The following CEP85L variants were observed in gnomAD, a reference collection of about 807,000 sequenced individuals.
The protein encoded by CEP85L is centrosomal protein 85L.
Under a neutral mutation model 100.3 loss-of-function variants are expected in CEP85L, and 60 were observed. That is an observed-to-expected ratio of 0.60 (90% CI 0.49 to 0.74). The LOEUF (loss-of-function observed/expected upper bound fraction) is 0.74. Ranked by LOEUF, CEP85L falls within the 30% of genes least tolerant of loss-of-function variation. The probability of loss-of-function intolerance (pLI) is 0.00; values close to 1 mark genes in which losing one functional copy is unlikely to be tolerated. For synonymous variants in CEP85L, 319 were observed against 322.7 expected (o/e 0.99, Z 0.12); for missense variants, 973 against 936.2 (o/e 1.04, Z -0.51).
Position 118,463,649 on chromosome 6 carries a change from G to A in CEP85L, c.*1756C>T, listed in dbSNP as rs1772340370. ...GACCCTCCTTAGGTTAAGGACTCTGGGATGCAGGAGCACTACAATGTACTT... is the reference window on the plus strand; with the variant it reads ...GACCCTCCTTAGGTTAAGGACTCTGAGATGCAGGAGCACTACAATGTACTT... On this transcript the variant is annotated 3_prime_UTR_variant, in exon 13 of 13. Transcript: ENST00000368491. The A allele has an allele frequency of 6.6e-6, 1 of 151,950 alleles. No homozygotes were observed. Among genetic ancestry groups the A allele is most frequent in the African/African-American group, 2.4e-5 (1 of 41,396 alleles). The allele number at this position is 151,950 out of a possible 1,614,324, so 9.4% of individuals were successfully genotyped here. A position where few individuals can be genotyped will look rare whatever the true frequency, so the allele number is the denominator to read the frequency against.
chr6:118,479,325 C>T (rs1449215727), intron 10 of CEP85L, among the ~76,000 whole-genome samples: 1 of 151,962 alleles, frequency 6.6e-6, no homozygotes, highest in Admixed American at 6.6e-5. Context: ...AAAAGATGAC[C>T]AATGACTTCC....
At chr6:118,527,254 T>C (rs987328902) in intron 3 of CEP85L, among the ~76,000 whole-genome samples, 2 of 151,992 alleles carry the variant, frequency 1.3e-5, no homozygotes, top group African/African-American at 4.8e-5. Flanking sequence ...ATCTGCCCGA[T>C]TCGGCTTCCC....
intron 2 of CEP85L, among the ~76,000 whole-genome samples, chr6:118,579,328 T>C (rs1012576276): frequency 1.3e-5 from 2 of 151,974 alleles, no homozygotes; most frequent in Admixed American, 1.3e-4. Context: ...TATTTTCCAA[T>C]TTGGTCAAGG....
chr6:118,490,696 ATATC>A (rs1168581323), intron 6 of CEP85L, among the ~76,000 whole-genome samples: 5 of 152,326 alleles, frequency 3.3e-5, no homozygotes, highest in African/African-American at 9.6e-5. Context: ...AAAAATCCAA[ATATC>A]TATCAACAGG....
intron 3 of CEP85L, among the ~76,000 whole-genome samples, chr6:118,547,602 G>C (rs1262371037): frequency 6.6e-6 from 1 of 151,930 alleles, no homozygotes; most frequent in Admixed American, 6.6e-5. Context: ...GTAGCATATT[G>C]CTATTTTGGG....
chr6:118,469,238 C>G lies in CEP85L; in HGVS notation c.2088G>C (p.Arg696Ser), dbSNP rs752231171. 4 of 1,613,924 alleles carry G rather than the reference C, an allele frequency of 2.5e-6. No individual in the cohort carries two copies. In the African/African-American group the frequency reaches 5.3e-5, roughly 22 times the overall value. ...LDQGQEPDQS[R>S]QQTVLSKRPL... ...GCCGTTTGGAAAGAACTGTCTGCTG[C>G]CTAGATTGGTCAGGTTCCTGGCCCT... Residue 696 changes from arginine (R) to serine (S), a missense_variant, in exon 12 of 13, where the codon AGG becomes AGC. By Grantham distance (110) the Arg-to-Ser change is moderately radical. Coordinates refer to ENST00000368491, the MANE Select transcript of CEP85L (RefSeq NM_001042475.3).
At chr6:118,505,409 CAAAAAA>C (rs56893664) in intron 5 of CEP85L, among the ~76,000 whole-genome samples, 56 of 71,824 alleles carry the variant, frequency 7.8e-4, no homozygotes, top group African/African-American at 2.1e-3. Context: ...TCACTGTACT[CAAAAAA>C]AAAAAAAAAA....
At chr6:118,643,233 G>C (rs145663646) in intron 1 of CEP85L, among the ~76,000 whole-genome samples, 48 of 152,262 alleles carry the variant, frequency 3.2e-4, no homozygotes, top group Admixed American at 3.0e-3. Flanking sequence ...CAACTTTTCA[G>C]TACATTATTC....
intron 3 of CEP85L, among the ~76,000 whole-genome samples, chr6:118,558,590 G>T (rs373940496): frequency 6.6e-6 from 1 of 150,472 alleles, no homozygotes; most frequent in Non-Finnish European, 1.5e-5. Flanking sequence ...CAAAAAAGGA[G>T]AGAAAGAGAG....
At chr6:118,524,031 A>AT (rs1776817207) in intron 3 of CEP85L, 111 bp from the exon 4 acceptor site, 2 of 457,556 alleles carry the variant, frequency 4.4e-6, no homozygotes, top group Non-Finnish European at 3.7e-6. Flanking sequence ...TCCCTCTTTG[A>AT]TTTTTTAATA....
intron 2 of CEP85L, chr6:118,573,942 C>G (rs976638704): frequency 1.9e-4 from 29 of 152,210 alleles, no homozygotes; most frequent in African/African-American, 7.0e-4. Flanking sequence ...TACACTGTCT[C>G]TTAGCAACCA....
Position 118,559,089 on chromosome 6 carries a change from T to G in CEP85L, c.1020+6440A>C. On this transcript the variant is annotated intron_variant, in intron 3 of 12. Coordinates refer to ENST00000368491, the MANE Select transcript of CEP85L (RefSeq NM_001042475.3). ...TCGTGATGCTTCTCTGAAGTTCTGCTACAACCTCTAGATCTGCAGCTTGCC... is the reference window on the plus strand; with the variant it reads ...TCGTGATGCTTCTCTGAAGTTCTGCGACAACCTCTAGATCTGCAGCTTGCC... The G allele has an allele frequency of 6.2e-7, 1 of 1,604,494 alleles. No individual in the cohort carries two copies. Among genetic ancestry groups the G allele is most frequent in the Non-Finnish European group, 8.5e-7 (1 of 1,171,196 alleles).
At chr6:118,651,026 CAT>C (rs1775518359) in intron 1 of CEP85L, among the ~76,000 whole-genome samples, 169 bp downstream of exon 1, 1 of 152,304 alleles carries the variant, frequency 6.6e-6, no homozygotes, top group South Asian at 2.1e-4. Flanking sequence ...CGCGGCAAGC[CAT>C]ATGTCAGCCC....
chr6:118,519,866 T>G (rs1326448511), intron 4 of CEP85L, among the ~76,000 whole-genome samples: 2 of 151,902 alleles, frequency 1.3e-5, no homozygotes, highest in Non-Finnish European at 2.9e-5. Context: ...GATAAATACA[T>G]TACAAGAAAA....
intron 7 of CEP85L, among the ~76,000 whole-genome samples, chr6:118,482,286 T>C (rs747753141): frequency 3.3e-5 from 5 of 152,186 alleles, no homozygotes; most frequent in Non-Finnish European, 4.4e-5. Context: ...TACATTCACA[T>C]TGTTGTGCAA....
intron 1 of CEP85L, among the ~76,000 whole-genome samples, chr6:118,683,283 G>A (rs1776727419): frequency 6.6e-6 from 1 of 152,174 alleles, no homozygotes; most frequent in African/African-American, 2.4e-5. Flanking sequence ...TTCTTTTGGG[G>A]AGACTTCCAA....
intron 5 of CEP85L, chr6:118,501,776 T>C: frequency 2.1e-6 from 2 of 963,180 alleles, no homozygotes; most frequent in Non-Finnish European, 1.7e-6. Flanking sequence ...AGAACAGACA[T>C]CTCACAGAGT....
At chr6:118,580,695 G>A (rs1370329033) in intron 2 of CEP85L, among the ~76,000 whole-genome samples, 1 of 152,214 alleles carries the variant, frequency 6.6e-6, no homozygotes, top group Non-Finnish European at 1.5e-5. Context: ...ACCCTGGTGT[G>A]ACTCAAAGAC....
chr6:118,708,841 C>G (rs897439658), intron 1 of CEP85L, among the ~76,000 whole-genome samples: 1 of 151,526 alleles, frequency 6.6e-6, no homozygotes, highest in Non-Finnish European at 1.5e-5. Context: ...GTTCTAAATC[C>G]TGTTAACCTC....
Sources: allele counts gnomAD v4.1 joint callset (sites outside exome capture counted in the v4.1 genomes callset), GRCh38; gene constraint gnomAD v4.1.1; transcripts MANE v1.5; gene names NCBI Gene and HGNC (gene_info 2026-07-23, HGNC 2026-07-21).